Variants in AOX1 observed in about 807,000 individuals in gnomAD.
AOX1 encodes aldehyde oxidase.
In AOX1, 153 loss-of-function variants were observed where a neutral mutation model predicts 169.5. The observed-to-expected ratio is 0.90, with a 90% CI of 0.79 to 1.03. The LOEUF is 1.03. Ranked by LOEUF, AOX1 falls within the 50% of genes least tolerant of loss-of-function variation. AOX1 has a pLI of 0.00. For missense variants in AOX1, 1,656 were observed against 1,663.9 expected (o/e 1.00, Z 0.08); for synonymous variants, 562 against 581.9 (o/e 0.97, Z 0.49).
At chr2:200,594,472 C>T (rs892314939) in intron 2 of AOX1, among the ~76,000 whole-genome samples, 3 of 152,162 alleles carry the variant, frequency 2.0e-5, no homozygotes, top group Non-Finnish European at 4.4e-5. Context: ...AGCAGTGTCA[C>T]AATGTTGTTG....
rs779900372 is a variant in AOX1, at chr2:200,603,294, A to T, written c.526A>T (p.Asn176Tyr). ...KTSGCCQSKE[N>Y]GVCCLDQGIN... ...TTCGGGCTGCTGTCAAAGTAAAGAA[A>T]ATGGGGTTTGCTGTTTGGATCAAGG... The change falls in exon 7 of 35, where the codon AAT (asparagine) becomes TAT (tyrosine). Residue 176 changes from asparagine (N) to tyrosine (Y), a missense_variant. Asn to Tyr is a moderately radical substitution (Grantham distance 143). Coordinates refer to ENST00000374700, the MANE Select transcript of AOX1 (RefSeq NM_001159.4). 1 of 1,613,984 alleles carries T rather than the reference A, an allele frequency of 6.2e-7. No individual in the cohort carries two copies. Among genetic ancestry groups the T allele is most frequent in the Non-Finnish European group, 8.5e-7 (1 of 1,179,952 alleles).
intron 16 of AOX1, among the ~76,000 whole-genome samples, chr2:200,618,139 T>C (rs899316471): frequency 6.6e-6 from 1 of 152,196 alleles, no homozygotes; most frequent in African/African-American, 2.4e-5. Flanking sequence ...TATCTACCTT[T>C]ATTGAATGGA....
At chr2:200,617,513 A>G (rs1215937777) in intron 16 of AOX1, among the ~76,000 whole-genome samples, 1 of 146,634 alleles carries the variant, frequency 6.8e-6, no homozygotes, top group Non-Finnish European at 1.5e-5. Context: ...AAAATGTATG[A>G]TATCTTTGAC....
Position 200,638,849 on chromosome 2 carries a change from A to G in AOX1, c.2568+547A>G, listed in dbSNP as rs147623983. Among the ~76,000 whole-genome samples the G allele has an allele frequency of 2.1e-3, 323 of 152,302 alleles. 1 individual carries two copies. The highest frequency in any genetic ancestry group is 7.3e-3 in the African/African-American group (302 of 41,572). On this transcript the variant is annotated intron_variant, in intron 23 of 34. Coordinates refer to ENST00000374700, the MANE Select transcript of AOX1 (RefSeq NM_001159.4). ...GCTAACTTCTCTAAGAAACAACTTAAAAGCTCTTAAACTTTCATTACGTCA... is the reference window on the plus strand; with the variant it reads ...GCTAACTTCTCTAAGAAACAACTTAGAAGCTCTTAAACTTTCATTACGTCA...
At chr2:200,656,420 T>C (rs2035686108) in intron 26 of AOX1, among the ~76,000 whole-genome samples, 1 of 152,228 alleles carries the variant, frequency 6.6e-6, no homozygotes, top group Non-Finnish European at 1.5e-5. Flanking sequence ...TACAGTTAGA[T>C]AAGATTACTT....
rs143809053 is a variant in AOX1 at position 200,646,224 on chromosome 2, C to T, written c.2847+3423C>T. Among the ~76,000 whole-genome samples, 485 of 152,198 alleles carry T rather than the reference C, an allele frequency of 3.2e-3. 2 individuals are homozygous for T. The highest frequency in any genetic ancestry group is 0.011 in the African/African-American group (457 of 41,542). On this transcript the variant is annotated intron_variant, in intron 25 of 34. Coordinates refer to ENST00000374700, the MANE Select transcript of AOX1 (RefSeq NM_001159.4). Reference sequence around the variant, plus strand: ...GCTATGAACTTTCCTCTTAGCACCGCGTTTGCTGTATCCCAGAGATTTTGA... The same window carrying T: ...GCTATGAACTTTCCTCTTAGCACCGTGTTTGCTGTATCCCAGAGATTTTGA...
chr2:200,639,481 A>G (rs1019406172), intron 23 of AOX1, among the ~76,000 whole-genome samples: 3 of 152,236 alleles, frequency 2.0e-5, no homozygotes, highest in African/African-American at 7.2e-5. Flanking sequence ...TCTCCATCGC[A>G]AAACTGCATA....
intron 1 of AOX1, among the ~76,000 whole-genome samples, chr2:200,590,210 G>T (rs1319022662): frequency 1.3e-5 from 2 of 151,804 alleles, no homozygotes; most frequent in Non-Finnish European, 2.9e-5. Context: ...TCTTGGATCT[G>T]GCAGGGCCTC....
chr2:200,588,754 G>A (rs527922946), intron 1 of AOX1, among the ~76,000 whole-genome samples: 4 of 34,214 alleles, frequency 1.2e-4, no homozygotes, highest in African/African-American at 2.4e-4. Flanking sequence ...TTTTGAGATC[G>A]AGTCTCACTC....
intron 18 of AOX1, among the ~76,000 whole-genome samples, chr2:200,621,667 G>GTTCA (rs2034888439): frequency 3.1e-5 from 2 of 64,318 alleles, no homozygotes; most frequent in Non-Finnish European, 6.4e-5. Context: ...CAATCCAGAA[G>GTTCA]TTCATTCATT....
chr2:200,599,825 C>T lies in AOX1; in HGVS notation c.436+79C>T. On this transcript the variant is annotated intron_variant, in intron 5 of 34. Coordinates refer to ENST00000374700, the MANE Select transcript of AOX1 (RefSeq NM_001159.4). ...TTTGAGACGGAATCTCACTCTGTTG[C>T]CCGGGCTGGAGGGCGGCGGCGCAAT... 3 of 1,208,726 alleles carry T rather than the reference C, an allele frequency of 2.5e-6. No homozygotes were observed. The East Asian group carries it at 9.4e-5, about 38-fold the overall frequency. The allele number at this position is 1,208,726 out of a possible 1,614,324, so 74.9% of individuals were successfully genotyped here.
At chr2:200,676,931 A>G in exon 5 of AOX1, 1 of 470,812 alleles carries the variant, frequency 2.1e-6, no homozygotes, top group Non-Finnish European at 4.4e-6. Context: ...TTTTGATACA[A>G]CTTCACAAGA....
chr2:200,613,979 T>A lies in AOX1; in HGVS notation c.1611+13T>A. 6.2e-7 allele frequency: 1 copy of A among 1,611,060 alleles called. No individual in the cohort carries two copies. The highest frequency in any genetic ancestry group is 8.5e-7 in the Non-Finnish European group (1 of 1,179,392). ...TTTGAAAAAGATGGTAAACAACTGT[T>A]TACACATTAACTTCCCCAGTACTGG... On this transcript the variant is annotated intron_variant, in intron 15 of 34. Transcript: ENST00000374700.
chr2:200,586,975 G>T (rs1395468865), intron 1 of AOX1, among the ~76,000 whole-genome samples: 2 of 152,140 alleles, frequency 1.3e-5, no homozygotes, highest in African/African-American at 2.4e-5. Flanking sequence ...AGGCAGGAAG[G>T]TTAAGGAGCT....
At chr2:200,600,069 C>G (rs373125617) in intron 5 of AOX1, among the ~76,000 whole-genome samples, 99 of 152,238 alleles carry the variant, frequency 6.5e-4, no homozygotes, top group African/African-American at 2.3e-3. Flanking sequence ...ATTGTTATCC[C>G]CATTTCATAA....
At chr2:200,655,366 C>G (rs1157835655) in intron 26 of AOX1, among the ~76,000 whole-genome samples, 1 of 152,014 alleles carries the variant, frequency 6.6e-6, no homozygotes, top group Non-Finnish European at 1.5e-5. Flanking sequence ...GCCCTGGGCT[C>G]TCTGTAGAGG....
intron 16 of AOX1, among the ~76,000 whole-genome samples, chr2:200,616,691 A>G (rs1339629376): frequency 6.6e-6 from 1 of 152,254 alleles, no homozygotes; most frequent in African/African-American, 2.4e-5. Flanking sequence ...CTGCCACATC[A>G]TAAAAATATG....
intron 8 of AOX1, among the ~76,000 whole-genome samples, chr2:200,604,434 A>T (rs898388309): frequency 2.0e-5 from 3 of 152,210 alleles, no homozygotes; most frequent in Non-Finnish European, 4.4e-5. Context: ...GCATGTTACT[A>T]TATTTGCTAA....
intron 23 of AOX1, among the ~76,000 whole-genome samples, chr2:200,640,060 G>A (rs1040594693): frequency 6.6e-6 from 1 of 151,376 alleles, no homozygotes; most frequent in Non-Finnish European, 1.5e-5. Context: ...AAAAAGAATG[G>A]ATAGGCAGAA....
Sources: allele counts gnomAD v4.1 joint callset (sites outside exome capture counted in the v4.1 genomes callset), GRCh38; gene constraint gnomAD v4.1.1; transcripts MANE v1.5; gene names NCBI Gene and HGNC (gene_info 2026-07-23, HGNC 2026-07-21).